CLSTN2: variants seen among roughly 807,000 people sequenced by gnomAD.
CLSTN2 encodes calsyntenin 2.
CLSTN2 carries 48 observed loss-of-function variants against 101.2 expected under a neutral mutation model. The ratio of observed to expected loss-of-function variants is 0.47; its 90% CI spans 0.38 to 0.60. The LOEUF is 0.60. Among genes scored for constraint, CLSTN2 ranks in the 20% least tolerant of loss-of-function variants. The pLI is 0.00. For missense variants in CLSTN2, 1,160 were observed against 1,238.2 expected (o/e 0.94, Z 0.95); for synonymous variants, 481 against 463.6 (o/e 1.04, Z -0.48).
At chr3:139,955,097 T>C (rs1204674661) in intron 1 of CLSTN2, among the ~76,000 whole-genome samples, 1 of 134,600 alleles carries the variant, frequency 7.4e-6, no homozygotes, top group East Asian at 2.2e-4. Flanking sequence ...CATACATGTA[T>C]ATATGGCAAT....
intron 2 of CLSTN2, among the ~76,000 whole-genome samples, chr3:140,251,013 A>G (rs551454244): frequency 1.3e-5 from 2 of 152,314 alleles, no homozygotes; most frequent in African/African-American, 4.8e-5. Context: ...CATGTGGCGG[A>G]TATGTCCATG....
At chr3:139,941,755 G>C (rs958240693) in intron 1 of CLSTN2, among the ~76,000 whole-genome samples, 29 of 152,180 alleles carry the variant, frequency 1.9e-4, no homozygotes, top group African/African-American at 6.8e-4. Context: ...TTGGCACACA[G>C]GCACGAGTGA....
intron 9 of CLSTN2, among the ~76,000 whole-genome samples, chr3:140,544,252 G>C (rs1935542717): frequency 6.6e-6 from 1 of 152,226 alleles, no homozygotes; most frequent in Non-Finnish European, 1.5e-5. Flanking sequence ...CCTAACACTT[G>C]CTCAGTATTA....
intron 1 of CLSTN2, among the ~76,000 whole-genome samples, chr3:139,981,212 G>C (rs1033852960): frequency 2.0e-4 from 30 of 152,142 alleles, no homozygotes; most frequent in Non-Finnish European, 5.9e-5. Context: ...TGTGCATGGG[G>C]AATAGTGCAG....
chr3:140,577,341 G>A lies in CLSTN2; in HGVS notation c.*11088G>A, dbSNP rs560506869. Reference sequence around the variant, plus strand: ...TACAAACTGATTCATGTTGGTGGTCGTTATGACACTTTCTGTGAATTGGTG... The same window carrying A: ...TACAAACTGATTCATGTTGGTGGTCATTATGACACTTTCTGTGAATTGGTG... On this transcript the variant is annotated 3_prime_UTR_variant, in exon 17 of 17. Transcript: ENST00000458420. 3.3e-5 allele frequency: 5 copies of A among 152,294 alleles called. No individual in the cohort carries two copies. The highest frequency in any genetic ancestry group is 4.1e-4 in the South Asian group (2 of 4,828). The allele number at this position is 152,294 out of a possible 1,614,324, so 9.4% of individuals were successfully genotyped here.
intron 1 of CLSTN2, among the ~76,000 whole-genome samples, chr3:140,069,477 G>A (rs139154553): frequency 6.6e-6 from 1 of 152,334 alleles, no homozygotes; most frequent in African/African-American, 2.4e-5. Flanking sequence ...TTCATGGGCA[G>A]TGATGGAGGC....
At chr3:140,433,063 C>T (rs1427832915) in intron 5 of CLSTN2, among the ~76,000 whole-genome samples, 1 of 152,142 alleles carries the variant, frequency 6.6e-6, no homozygotes, top group Non-Finnish European at 1.5e-5. Flanking sequence ...AGATCCTGCC[C>T]AATTTCCTAC....
intron 5 of CLSTN2, among the ~76,000 whole-genome samples, chr3:140,422,303 C>T (rs968362197): frequency 5.3e-5 from 8 of 151,858 alleles, no homozygotes; most frequent in Non-Finnish European, 8.8e-5. Context: ...GCCAGACCAC[C>T]CTATAAATCT....
chr3:140,537,638 T>G (rs1022565361), intron 9 of CLSTN2, among the ~76,000 whole-genome samples: 1 of 152,222 alleles, frequency 6.6e-6, no homozygotes, highest in African/African-American at 2.4e-5. Context: ...CTGAGTCAGA[T>G]CCTCCTGGCT....
chr3:140,175,960 A>G lies in CLSTN2; in HGVS notation c.119A>G (p.His40Arg), dbSNP rs746878138. The G allele has an allele frequency of 1.2e-6, 2 of 1,612,438 alleles. No individual in the cohort carries two copies. Among genetic ancestry groups the G allele is most frequent in the Admixed American group, 1.7e-5 (1 of 59,722 alleles). ...RRLLAAKVNK[H>R]KPWIETSYHG... ...CCCCCTTATTTTCTAGTCAATAAGC[A>G]CAAGCCATGGATCGAGACTTCATAT... The change falls in exon 2 of 17, where the codon CAC becomes CGC. Residue 40 changes from histidine (H) to arginine (R), a missense_variant. Transcript: ENST00000458420.
chr3:139,999,415 C>T (rs575650721), intron 1 of CLSTN2, among the ~76,000 whole-genome samples: 6 of 152,120 alleles, frequency 3.9e-5, no homozygotes, highest in African/African-American at 1.4e-4. Flanking sequence ...ATCCTGACTT[C>T]TGGGGAACCT....
At chr3:140,241,806 T>C (rs937864395) in intron 2 of CLSTN2, among the ~76,000 whole-genome samples, 4 of 146,552 alleles carry the variant, frequency 2.7e-5, no homozygotes, top group Non-Finnish European at 3.0e-5. Flanking sequence ...TATATATATA[T>C]ATACACATAT....
At chr3:140,282,050 T>TA (rs1372250193) in intron 2 of CLSTN2, among the ~76,000 whole-genome samples, 2 of 152,186 alleles carry the variant, frequency 1.3e-5, no homozygotes, top group African/African-American at 4.8e-5. Context: ...TGTGTGTGTA[T>TA]AGGGTAGATA....
At chr3:139,965,572 T>C (rs1273093961) in intron 1 of CLSTN2, among the ~76,000 whole-genome samples, 2 of 152,146 alleles carry the variant, frequency 1.3e-5, no homozygotes, top group African/African-American at 2.4e-5. Context: ...AAAGAGTGTC[T>C]AGCTATGTCA....
At chr3:140,419,090 T>C (rs926831441) in intron 4 of CLSTN2, among the ~76,000 whole-genome samples, 13 of 152,108 alleles carry the variant, frequency 8.5e-5, no homozygotes, top group African/African-American at 3.1e-4. Flanking sequence ...AGCTTTCTTG[T>C]TTCATTCCAT....
intron 1 of CLSTN2, among the ~76,000 whole-genome samples, chr3:140,002,825 C>T (rs562285628): frequency 6.7e-6 from 1 of 149,034 alleles, no homozygotes; most frequent in African/African-American, 2.5e-5. Context: ...ACTGTATTTT[C>T]CCCCCAATGT....
chr3:140,546,912 T>C (rs1935605414), intron 10 of CLSTN2, among the ~76,000 whole-genome samples: 1 of 152,318 alleles, frequency 6.6e-6, no homozygotes, highest in East Asian at 1.9e-4. Flanking sequence ...CCCTTGTGTA[T>C]AATCAGTCCA....
chr3:140,303,602 C>A (rs77662684), intron 2 of CLSTN2, among the ~76,000 whole-genome samples: 1 of 152,054 alleles, frequency 6.6e-6, no homozygotes, highest in Non-Finnish European at 1.5e-5. Flanking sequence ...TAAAATATAT[C>A]CAACTGAAGG....
chr3:140,481,992 A>G (rs150622611), intron 8 of CLSTN2, among the ~76,000 whole-genome samples: 38,022 of 151,862 alleles, frequency 0.25, 4,900 homozygotes, highest in African/African-American at 0.34. Flanking sequence ...TATGTTGAAT[A>G]GGAGTGGTGA....
Sources: gnomAD v4.1 joint callset for allele counts (sites outside exome capture counted in the v4.1 genomes callset) on GRCh38, gnomAD v4.1.1 for gene constraint, MANE v1.5 for transcripts, NCBI Gene and HGNC (gene_info 2026-07-23, HGNC 2026-07-21) for gene names.